PTPRK: variants seen among roughly 807,000 people sequenced by gnomAD.
PTPRK encodes receptor-type tyrosine-protein phosphatase kappa.
PTPRK carries 75 observed loss-of-function variants against 178.0 expected under a neutral mutation model. The observed-to-expected ratio is 0.42, with a 90% CI of 0.35 to 0.51. PTPRK has a LOEUF of 0.51. Ranked by LOEUF, PTPRK falls within the 20% of genes least tolerant of loss-of-function variation. The pLI, the probability that PTPRK is intolerant of heterozygous loss-of-function variation, is 0.02. For synonymous variants in PTPRK, 637 were observed against 620.6 expected, an observed-to-expected ratio of 1.03 and a Z score of -0.39; for missense variants, 1,441 against 1,797.8, an observed-to-expected ratio of 0.80 and a Z score of 3.59.
chr6:128,302,723 A>G (rs1825829940), intron 3 of PTPRK, among the ~76,000 whole-genome samples: 1 of 152,028 alleles, frequency 6.6e-6, no homozygotes, highest in Admixed American at 6.5e-5. Context: ...TCTATAGACT[A>G]TCATAAATGT....
At chr6:128,471,515 A>G (rs1314201791) in intron 1 of PTPRK, among the ~76,000 whole-genome samples, 1 of 150,954 alleles carries the variant, frequency 6.6e-6, no homozygotes, top group East Asian at 1.9e-4. Context: ...ATAATATTAC[A>G]GAGGAGAAAA....
chr6:128,320,030 CAAT>C (rs1443042939), intron 3 of PTPRK, among the ~76,000 whole-genome samples: 3 of 152,108 alleles, frequency 2.0e-5, no homozygotes, highest in Non-Finnish European at 4.4e-5. Flanking sequence ...TAATCTGCAA[CAAT>C]GAGACATTTA....
intron 13 of PTPRK, 75 bp downstream of exon 13, chr6:128,064,683 G>A (rs1781447188): frequency 2.6e-6 from 4 of 1,515,834 alleles, no homozygotes; most frequent in Admixed American, 2.5e-5. Flanking sequence ...TAGCCCTGAA[G>A]CAGGGAACAA....
intron 7 of PTPRK, among the ~76,000 whole-genome samples, chr6:128,175,838 T>G (rs1285635033): frequency 6.6e-6 from 1 of 151,822 alleles, no homozygotes; most frequent in Admixed American, 6.6e-5. Flanking sequence ...GCAAGGGCCC[T>G]CCAAAGAAAT....
intron 1 of PTPRK, among the ~76,000 whole-genome samples, chr6:128,460,560 A>C (rs1385070389): frequency 6.6e-6 from 1 of 152,098 alleles, no homozygotes; most frequent in East Asian, 1.9e-4. Context: ...AAAAAGAAAG[A>C]ATGCCCTTTT....
chr6:128,027,406 C>T (rs1297840791), intron 13 of PTPRK, among the ~76,000 whole-genome samples: 1 of 152,062 alleles, frequency 6.6e-6, no homozygotes, highest in African/African-American at 2.4e-5. Flanking sequence ...ATGCATAAAA[C>T]AGTACCCACA....
rs537114780 is a variant in PTPRK, at chr6:128,434,430, C to G, written c.101-36742G>C. On this transcript the variant is annotated intron_variant, in intron 1 of 29. Coordinates refer to ENST00000368226, the MANE Select transcript of PTPRK (RefSeq NM_002844.4). ...CGTTTTTGGAAAGATACACAACACC[C>G]GGGGCAATTGAATATAGCTGTGAAC... 3.7e-4 allele frequency among the ~76,000 whole-genome samples: 57 copies of G among 152,206 alleles called. 2 individuals carry two copies. The South Asian group carries it at 0.012, about 32-fold the overall frequency.
At chr6:128,503,842 T>TGTGTGTG (rs1855908148) in intron 1 of PTPRK, among the ~76,000 whole-genome samples, 1 of 139,886 alleles carries the variant, frequency 7.1e-6, no homozygotes, top group Admixed American at 7.2e-5. Context: ...CTGGTTATTA[T>TGTGTGTG]TGTGTGTGTG....
At chr6:128,137,631 C>T (rs1795196152) in intron 7 of PTPRK, among the ~76,000 whole-genome samples, 1 of 151,968 alleles carries the variant, frequency 6.6e-6, no homozygotes, top group Non-Finnish European at 1.5e-5. Flanking sequence ...TAGCCAGACA[C>T]CACTTAAAAT....
At chr6:128,246,490 G>A (rs1038379473) in intron 3 of PTPRK, among the ~76,000 whole-genome samples, 1 of 151,612 alleles carries the variant, frequency 6.6e-6, no homozygotes, top group Admixed American at 6.6e-5. Flanking sequence ...CCTGCTAAAT[G>A]TTGTCTTTGC....
chr6:128,404,597 G>T (rs148108602), intron 1 of PTPRK, among the ~76,000 whole-genome samples: 2 of 152,288 alleles, frequency 1.3e-5, no homozygotes, highest in East Asian at 1.9e-4. Context: ...CTAATTTTTA[G>T]CTCTCAGGTA....
chr6:128,148,358 T>G (rs2114544759), intron 7 of PTPRK, among the ~76,000 whole-genome samples: 1 of 152,318 alleles, frequency 6.6e-6, no homozygotes, highest in Admixed American at 6.5e-5. Context: ...TTGAAAAATG[T>G]ACTTAGCATA....
intron 2 of PTPRK, among the ~76,000 whole-genome samples, chr6:128,362,839 T>C (rs1834957559): frequency 6.6e-6 from 1 of 152,246 alleles, no homozygotes; most frequent in East Asian, 1.9e-4. Context: ...TAAATATGTG[T>C]AAATTTTCTC....
chr6:128,158,117 G>A (rs190905497), intron 7 of PTPRK, among the ~76,000 whole-genome samples: 1 of 151,808 alleles, frequency 6.6e-6, no homozygotes, highest in Non-Finnish European at 1.5e-5. Flanking sequence ...TTTTGTATAA[G>A]GTGTAAGGAA....
At chr6:128,314,706 T>G (rs1360965773) in intron 3 of PTPRK, among the ~76,000 whole-genome samples, 3 of 152,094 alleles carry the variant, frequency 2.0e-5, no homozygotes. Flanking sequence ...ACATAGTCAC[T>G]CAGTGAGCAA....
intron 1 of PTPRK, among the ~76,000 whole-genome samples, chr6:128,501,392 C>T (rs1375363220): frequency 1.4e-5 from 1 of 74,072 alleles, no homozygotes; most frequent in Non-Finnish European, 3.1e-5. Flanking sequence ...AAACTCAAAT[C>T]ACACACACAC....
chr6:128,194,137 G>A (rs562959210), intron 6 of PTPRK, among the ~76,000 whole-genome samples: 13 of 149,846 alleles, frequency 8.7e-5, no homozygotes, highest in Non-Finnish European at 1.3e-4. Context: ...CCAGGCTAGC[G>A]TGCAGTGGCA....
At chr6:128,381,104 A>G (rs895943177) in intron 2 of PTPRK, among the ~76,000 whole-genome samples, 3 of 152,178 alleles carry the variant, frequency 2.0e-5, no homozygotes, top group Admixed American at 2.0e-4. Context: ...ATGTTGTTGC[A>G]TAACTTCTTC....
chr6:128,057,240 C>T (rs995166331), intron 13 of PTPRK, among the ~76,000 whole-genome samples: 1 of 151,940 alleles, frequency 6.6e-6, no homozygotes, highest in African/African-American at 2.4e-5. Context: ...TTAACTAGCC[C>T]TTGAGACACT....
Sources: allele counts gnomAD v4.1 joint callset (sites outside exome capture counted in the v4.1 genomes callset), GRCh38; gene constraint gnomAD v4.1.1; transcripts MANE v1.5; gene names NCBI Gene and HGNC (gene_info 2026-07-23, HGNC 2026-07-21).